ZEB2: variants seen among roughly 807,000 people sequenced by gnomAD.
The protein encoded by ZEB2 is zinc finger E-box-binding homeobox 2.
In ZEB2, 6 loss-of-function variants were observed where a neutral mutation model predicts 99.9. The observed-to-expected ratio is 0.06, with a 90% CI of 0.03 to 0.12. The LOEUF (loss-of-function observed/expected upper bound fraction) is 0.12, where lower values mean the gene tolerates loss of function less well. ZEB2 is among the 10% of genes least tolerant of loss of function. ZEB2 has a pLI of 1.00. For synonymous variants in ZEB2, 517 were observed against 542.5 expected (o/e 0.95, Z 0.65); for missense variants, 969 against 1,502.8 (o/e 0.64, Z 5.87).
chr2:144,480,343 C>T (rs1349650243), intron 2 of ZEB2, among the ~76,000 whole-genome samples: 1 of 152,136 alleles, frequency 6.6e-6, no homozygotes, highest in East Asian at 1.9e-4. Context: ...TATGCTCTTT[C>T]ATCATCTGTG....
In ZEB2 at chr2:144,431,118, A is replaced by T. The variant is rs573633017; in HGVS notation, c.74-1092T>A. ...AGGGGGAAAAAAGGCTGTGGAAAAA[A>T]AAAGCGCAAACAATTTTCAGGTTCA... On this transcript the variant is annotated intron_variant, in intron 2 of 9. Transcript: ENST00000627532. 3.9e-5 allele frequency: 6 copies of T among 152,346 alleles called. 1 individual carries two copies. The South Asian group carries it at 1.2e-3, about 32-fold the overall frequency. The allele number at this position is 152,346 out of a possible 1,614,324, so 9.4% of individuals were successfully genotyped here. A position where few individuals can be genotyped will look rare whatever the true frequency, so the allele number is the denominator to read the frequency against.
intron 2 of ZEB2, among the ~76,000 whole-genome samples, chr2:144,438,783 T>C (rs1703869395): frequency 6.6e-6 from 1 of 152,188 alleles, no homozygotes; most frequent in South Asian, 2.1e-4. Flanking sequence ...TTCAGGTCTA[T>C]TGGGCTAATG....
At chr2:144,417,831 G>A (rs920999886) in intron 4 of ZEB2, among the ~76,000 whole-genome samples, 3 of 152,142 alleles carry the variant, frequency 2.0e-5, no homozygotes, top group African/African-American at 4.8e-5. Context: ...GGGGGTTCTC[G>A]AATGTCCTTA....
chr2:144,423,222 G>A (rs1703644019), intron 4 of ZEB2, among the ~76,000 whole-genome samples: 1 of 152,056 alleles, frequency 6.6e-6, no homozygotes, highest in Admixed American at 6.6e-5. Context: ...TTACTTTGTG[G>A]GGTAAATTTT....
chr2:144,489,701 G>A (rs1057258102), intron 2 of ZEB2, among the ~76,000 whole-genome samples: 2 of 152,186 alleles, frequency 1.3e-5, no homozygotes, highest in Non-Finnish European at 2.9e-5. Context: ...TCTTAATCAC[G>A]CTGCTCATTT....
intron 2 of ZEB2, among the ~76,000 whole-genome samples, chr2:144,475,262 C>T (rs1164326756): frequency 6.6e-6 from 1 of 152,272 alleles, no homozygotes; most frequent in African/African-American, 2.4e-5. Flanking sequence ...TCAGATTTCA[C>T]TGCTGTGGGT....
intron 2 of ZEB2, among the ~76,000 whole-genome samples, chr2:144,454,814 G>T (rs1278728907): frequency 6.6e-6 from 1 of 152,098 alleles, no homozygotes; most frequent in Non-Finnish European, 1.5e-5. Context: ...GAGAATCCAT[G>T]AAATGATCCC....
At chr2:144,469,151 G>T (rs541679237) in intron 2 of ZEB2, among the ~76,000 whole-genome samples, 1 of 152,224 alleles carries the variant, frequency 6.6e-6, no homozygotes, top group East Asian at 1.9e-4. Context: ...CTATAAAATA[G>T]CTTCCCAAAC....
intron 4 of ZEB2, among the ~76,000 whole-genome samples, chr2:144,415,673 C>T (rs906842297): frequency 3.9e-5 from 6 of 152,330 alleles, no homozygotes; most frequent in Middle Eastern, 3.4e-3. Context: ...CCTGTTTCGT[C>T]AACTCACTCA....
chr2:144,500,771 TG>T (rs1362663626), intron 2 of ZEB2, among the ~76,000 whole-genome samples: 2 of 152,182 alleles, frequency 1.3e-5, no homozygotes, highest in Non-Finnish European at 2.9e-5. Flanking sequence ...CTGGCAAGTC[TG>T]AAGCTTGCAC....
chr2:144,458,022 G>A (rs180935204), intron 2 of ZEB2, among the ~76,000 whole-genome samples: 1 of 152,018 alleles, frequency 6.6e-6, no homozygotes, highest in African/African-American at 2.4e-5. Flanking sequence ...ACATAATGTG[G>A]TACATTCTGT....
intron 2 of ZEB2, among the ~76,000 whole-genome samples, chr2:144,505,156 A>G (rs1704935366): frequency 6.6e-6 from 1 of 152,284 alleles, no homozygotes; most frequent in South Asian, 2.1e-4. Context: ...AGAAGAAAAA[A>G]AAAAAAAGAC....
intron 9 of ZEB2, among the ~76,000 whole-genome samples, chr2:144,393,486 C>T (rs532738455): frequency 2.0e-5 from 3 of 152,218 alleles, no homozygotes; most frequent in African/African-American, 7.2e-5. Flanking sequence ...ACCTTAGAAT[C>T]AGTCAGTCCC....
chr2:144,424,357 C>T (rs766254857), intron 4 of ZEB2: 20 of 518,238 alleles, frequency 3.9e-5, no homozygotes, highest in South Asian at 2.8e-5. Context: ...GAGAAATGTT[C>T]GTGGAAATTT....
At chr2:144,442,310 C>A (rs1354987713) in intron 2 of ZEB2, among the ~76,000 whole-genome samples, 1 of 152,072 alleles carries the variant, frequency 6.6e-6, no homozygotes, top group African/African-American at 2.4e-5. Flanking sequence ...ATTCCTGATA[C>A]AAGCAATATC....
At chr2:144,517,463 A>G (rs773011386) in intron 1 of ZEB2, 44 bp from the exon 2 acceptor site, 2 of 1,369,136 alleles carry the variant, frequency 1.5e-6, no homozygotes, top group South Asian at 1.2e-5. Context: ...GCCCGCGCCC[A>G]TTGAAACGCG....
intron 2 of ZEB2, among the ~76,000 whole-genome samples, chr2:144,484,900 G>C (rs1393389164): frequency 6.6e-6 from 1 of 151,958 alleles, no homozygotes; most frequent in East Asian, 1.9e-4. Flanking sequence ...AAAGAACGTG[G>C]AGTTCAGAAC....
chr2:144,484,515 G>C (rs1335589350), intron 2 of ZEB2, among the ~76,000 whole-genome samples: 1 of 152,182 alleles, frequency 6.6e-6, no homozygotes, highest in Non-Finnish European at 1.5e-5. Context: ...ATGGAAACTA[G>C]TGGAAGACAC....
intron 2 of ZEB2, among the ~76,000 whole-genome samples, chr2:144,470,986 G>A (rs576295300): frequency 2.0e-5 from 3 of 152,038 alleles, no homozygotes; most frequent in Admixed American, 1.3e-4. Context: ...CACATGTTTC[G>A]GTTCTAGGAC....
Sources: allele counts gnomAD v4.1 joint callset (sites outside exome capture counted in the v4.1 genomes callset), GRCh38; gene constraint gnomAD v4.1.1; transcripts MANE v1.5; gene names NCBI Gene and HGNC (gene_info 2026-07-23, HGNC 2026-07-21).